TERF2IP: variants seen among roughly 807,000 people sequenced by gnomAD.
TERF2IP encodes TERF2 interacting protein, also known as telomeric repeat-binding factor 2-interacting protein 1.
In TERF2IP, 35 loss-of-function variants were observed where a neutral mutation model predicts 33.3. That is an observed-to-expected ratio of 1.05 (90% CI 0.80 to 1.39). The LOEUF (loss-of-function observed/expected upper bound fraction) is 1.39, where lower values mean the gene tolerates loss of function less well. TERF2IP is among the 40% of genes most tolerant of loss of function. The pLI, the probability that TERF2IP is intolerant of heterozygous loss-of-function variation, is 0.00. For synonymous variants in TERF2IP, 253 were observed against 223.2 expected (o/e 1.13, Z -1.19); for missense variants, 583 against 524.8 (o/e 1.11, Z -1.08).
Position 75,647,918 on chromosome 16 carries a change from C to A in TERF2IP, c.36C>A (p.Asn12Lys), listed in dbSNP as rs1437305008. ...AEAMDLGKDPNGPTHSSTLFV... is the reference protein window; with the variant it reads ...AEAMDLGKDPKGPTHSSTLFV... Reference sequence around the variant, plus strand: ...CGATGGATTTGGGCAAAGACCCCAACGGGCCCACCCATTCCTCGACTCTGT... The same window carrying A: ...CGATGGATTTGGGCAAAGACCCCAAAGGGCCCACCCATTCCTCGACTCTGT... The change falls in exon 1 of 3, where the codon AAC becomes AAA. Residue 12 changes from asparagine (N) to lysine (K), a missense_variant. Physicochemically the swap from Asn to Lys is moderately conservative, Grantham distance 94. Coordinates refer to ENST00000300086, the MANE Select transcript of TERF2IP (RefSeq NM_018975.4). 1.6e-5 allele frequency: 25 copies of A among 1,609,592 alleles called. No individual in the cohort carries two copies. Among genetic ancestry groups the A allele is most frequent in the East Asian group, 2.2e-5 (1 of 44,728 alleles).
rs770851399 is a variant in TERF2IP at position 75,654,390 on chromosome 16, A to G, written c.788A>G (p.Glu263Gly). Residue 263 changes from glutamate (E) to glycine (G), a missense_variant, in exon 2 of 3, where the codon GAG becomes GGG. Glu to Gly is a moderately conservative substitution (Grantham distance 98, BLOSUM62 -2). Transcript: ENST00000300086. ...MLVEATREFEEVVVDESPPDF... is the reference protein window; with the variant it reads ...MLVEATREFEGVVVDESPPDF... ...GTGGAAGCCACCCGGGAGTTTGAGG[A>G]GGTTGTGGTATGTTAACTAGATTTA... 2 of 1,613,066 alleles carry G rather than the reference A, an allele frequency of 1.2e-6. No homozygotes were observed. Among genetic ancestry groups the G allele is most frequent in the East Asian group, 4.5e-5 (2 of 44,834 alleles).
Position 75,656,537 on chromosome 16 carries a change from G to A in TERF2IP, c.1126G>A (p.Asp376Asn). 6.2e-7 allele frequency: 1 copy of A among 1,614,108 alleles called. No individual in the cohort carries two copies. Among genetic ancestry groups the A allele is most frequent in the Non-Finnish European group, 8.5e-7 (1 of 1,180,020 alleles). The change falls in exon 3 of 3, where the codon GAT becomes AAT. Residue 376 changes from aspartate (D) to asparagine (N), a missense_variant. Asp to Asn is a conservative substitution (Grantham distance 23). Transcript: ENST00000300086. ...CATAGATTTGCAAAAAGATGATGAG[G>A]ATACCAGAGAGGCATTGGTCAAAAA... ...DDIDLQKDDE[D>N]TREALVKKFG...
At position 75,656,654 on chromosome 16, in the gene TERF2IP, G is replaced by A. The variant is rs2082389574; in HGVS notation, c.*43G>A. 1 of 1,531,550 alleles carries A rather than the reference G, an allele frequency of 6.5e-7. No individual in the cohort carries two copies. The allele number at this position is 1,531,550 out of a possible 1,614,324, so 94.9% of individuals were successfully genotyped here. On this transcript the variant is annotated 3_prime_UTR_variant, in exon 3 of 3. Coordinates refer to ENST00000300086, the MANE Select transcript of TERF2IP (RefSeq NM_018975.4). ...AAAGAAAAAAGTCATGGTAGGTGAGGTGGTTAAAAAAAATTGTGACCAATG... is the reference window on the plus strand; with the variant it reads ...AAAGAAAAAAGTCATGGTAGGTGAGATGGTTAAAAAAAATTGTGACCAATG...
In TERF2IP at chr16:75,648,047, A is replaced by T. The variant is rs2082314111; in HGVS notation, c.165A>T (p.Arg55=). Residue 55 remains arginine (R), a synonymous_variant, in exon 1 of 3, where the codon CGA becomes CGT. Coordinates refer to ENST00000300086, the MANE Select transcript of TERF2IP (RefSeq NM_018975.4). ...LILHGGGTVC[R]VQEPGAVLLA... ...TGCACGGCGGCGGCACCGTGTGCCG[A>T]GTGCAGGAGCCCGGGGCCGTGCTGC... The T allele has an allele frequency of 6.2e-7, 1 of 1,606,270 alleles. No individual in the cohort carries two copies. The highest frequency in any genetic ancestry group is 8.5e-7 in the Non-Finnish European group (1 of 1,176,616).
In TERF2IP at chr16:75,648,218, A is replaced by G. The variant is rs1350972141; in HGVS notation, c.336A>G (p.Glu112=). The G allele has an allele frequency of 6.5e-7, 1 of 1,546,008 alleles. No homozygotes were observed. Among genetic ancestry groups the G allele is most frequent in the Admixed American group, 2.0e-5 (1 of 50,354 alleles). The stretch of plus-strand genomic sequence containing the variant: ...CCTCGGCGGCGGACACCGGCTCGGA[A>G]GCAAAGCCCGGGGCCCTGGCCGAGG... ...GPASAADTGS[E]AKPGALAEGA... is the part of the protein sequence containing the mutation. Residue 112 remains glutamate (E), a synonymous_variant, in exon 1 of 3, where the codon GAA becomes GAG. Coordinates refer to ENST00000300086, the MANE Select transcript of TERF2IP (RefSeq NM_018975.4).
rs1245660405 is a variant in TERF2IP, at chr16:75,656,455, C to T, written c.1044C>T (p.Ala348=). Residue 348 remains alanine (A), a synonymous_variant, in exon 3 of 3, where the codon GCC becomes GCT. Transcript: ENST00000300086. ...GTGGTGAGCTGGAGGCTACTTCCGC[C>T]TTCTTAGCGTCTGGTCAGAGAGCTG... ...KNSGELEATS[A]FLASGQRADG... The T allele has an allele frequency of 4.3e-6, 7 of 1,614,078 alleles. No homozygotes were observed. The highest frequency in any genetic ancestry group is 1.6e-4 in the Middle Eastern group (1 of 6,084).
chr16:75,651,001 A>C (rs974800960), intron 1 of TERF2IP, among the ~76,000 whole-genome samples: 2 of 152,226 alleles, frequency 1.3e-5, no homozygotes, highest in Non-Finnish European at 2.9e-5. Context: ...AGAAGATATG[A>C]ATGAATATAT....
At chr16:75,653,602 A>G (rs966698265) in intron 1 of TERF2IP, among the ~76,000 whole-genome samples, 3 of 152,140 alleles carry the variant, frequency 2.0e-5, no homozygotes, top group Non-Finnish European at 4.4e-5. Context: ...CTTTTTGTAG[A>G]TGGTATATTG....
At chr16:75,651,445 T>C (rs1252389268) in intron 1 of TERF2IP, among the ~76,000 whole-genome samples, 1 of 152,128 alleles carries the variant, frequency 6.6e-6, no homozygotes, top group Non-Finnish European at 1.5e-5. Context: ...TCCTAGCACT[T>C]TGGGAGGCCA....
chr16:75,657,356 A>G lies in TERF2IP; in HGVS notation c.*745A>G, dbSNP rs1416300730. On this transcript the variant is annotated 3_prime_UTR_variant, in exon 3 of 3. Coordinates refer to ENST00000300086, the MANE Select transcript of TERF2IP (RefSeq NM_018975.4). ...TTGTTTGTGCTAAGCATTGTGTTAG[A>G]TTTAAAAAATTAGTGGATTGACTCC... 3.3e-5 allele frequency: 5 copies of G among 152,204 alleles called. No individual in the cohort carries two copies. The highest frequency in any genetic ancestry group is 9.6e-5 in the African/African-American group (4 of 41,458). 9.4% of individuals were successfully genotyped at this position (152,204 alleles called of 1,614,324 possible).
At chr16:75,655,375 A>G (rs773879542) in intron 2 of TERF2IP, among the ~76,000 whole-genome samples, 35 of 152,254 alleles carry the variant, frequency 2.3e-4, no homozygotes, top group Non-Finnish European at 2.8e-4. Context: ...TTATATGTAT[A>G]TATTTTTCCA....
chr16:75,652,542 T>C (rs1033346883), intron 1 of TERF2IP, among the ~76,000 whole-genome samples: 1 of 152,210 alleles, frequency 6.6e-6, no homozygotes, highest in African/African-American at 2.4e-5. Context: ...TGGACTGTTT[T>C]GAAGCAAATG....
At position 75,648,562 on chromosome 16, in the gene TERF2IP, C is replaced by T; in HGVS notation, c.670+10C>T. ...GCCGCGGATAGCGGGGGTGAGGAGG[C>T]TGAGCGCGGGGCCTCGCGGATATCT... On this transcript the variant is annotated intron_variant, in intron 1 of 2. Coordinates refer to ENST00000300086, the MANE Select transcript of TERF2IP (RefSeq NM_018975.4). 1.3e-6 allele frequency: 2 copies of T among 1,533,424 alleles called. No individual in the cohort carries two copies. Among genetic ancestry groups the T allele is most frequent in the Non-Finnish European group, 8.8e-7 (1 of 1,135,754 alleles). 95.0% of individuals were successfully genotyped at this position (1,533,424 alleles called of 1,614,324 possible). A position where few individuals can be genotyped will look rare whatever the true frequency, so the allele number is the denominator to read the frequency against.
Position 75,656,313 on chromosome 16 carries a change from A to G in TERF2IP, c.902A>G (p.Glu301Gly). The change falls in exon 3 of 3, where the codon GAA (glutamate) becomes GGA (glycine). Residue 301 changes from glutamate (E) to glycine (G), a missense_variant. Physicochemically the swap from Glu to Gly is moderately conservative, Grantham distance 98. Coordinates refer to ENST00000300086, the MANE Select transcript of TERF2IP (RefSeq NM_018975.4). ...SETQPDEEEEEEEEKVSQPEV... is the reference protein window; with the variant it reads ...SETQPDEEEEGEEEKVSQPEV... Reference sequence around the variant, plus strand: ...ACACAGCCTGATGAGGAGGAAGAAGAAGAAGAAGAAAAAGTTTCTCAACCA... The same window carrying G: ...ACACAGCCTGATGAGGAGGAAGAAGGAGAAGAAGAAAAAGTTTCTCAACCA... 1 of 1,614,228 alleles carries G rather than the reference A, an allele frequency of 6.2e-7. No individual in the cohort carries two copies. Among genetic ancestry groups the G allele is most frequent in the Non-Finnish European group, 8.5e-7 (1 of 1,180,040 alleles).
intron 1 of TERF2IP, among the ~76,000 whole-genome samples, chr16:75,651,793 G>T (rs1252195174): frequency 1.3e-5 from 2 of 152,096 alleles, no homozygotes; most frequent in Admixed American, 1.3e-4. Flanking sequence ...AAATATGTGT[G>T]TTGGAATTGT....
chr16:75,654,243 G>A (rs901237791), intron 1 of TERF2IP, 30 bp from the exon 2 acceptor site: 2 of 1,568,098 alleles, frequency 1.3e-6, no homozygotes, highest in African/African-American at 2.7e-5. Context: ...AGAGGCTATT[G>A]CTAATCTGTG....
Position 75,656,649 on chromosome 16 carries a change from G to A in TERF2IP, c.*38G>A. 1.3e-6 allele frequency: 2 copies of A among 1,539,618 alleles called. No individual in the cohort carries two copies. Among genetic ancestry groups the A allele is most frequent in the Non-Finnish European group, 1.7e-6 (2 of 1,146,362 alleles). On this transcript the variant is annotated 3_prime_UTR_variant, in exon 3 of 3. Transcript: ENST00000300086. ...TGAGAAAAGAAAAAAGTCATGGTAG[G>A]TGAGGTGGTTAAAAAAAATTGTGAC...
At position 75,648,405 on chromosome 16, in the gene TERF2IP, C is replaced by A. The variant is rs1320445521; in HGVS notation, c.523C>A (p.His175Asn). 1.2e-6 allele frequency: 2 copies of A among 1,607,512 alleles called. No homozygotes were observed. ...GATGGAGAAGAGCTCGCTCACGCAG[C>A]ACTCGTGGCAGTCCCTGAAGGACCG... ...KAMEKSSLTQ[H>N]SWQSLKDRYL... The change falls in exon 1 of 3, where the codon CAC (histidine) becomes AAC (asparagine). Residue 175 changes from histidine to asparagine, a missense_variant. Coordinates refer to ENST00000300086, the MANE Select transcript of TERF2IP (RefSeq NM_018975.4).
chr16:75,654,146 A>G, intron 1 of TERF2IP, 127 bp from the exon 2 acceptor site: 2 of 724,612 alleles, frequency 2.8e-6, no homozygotes, highest in Non-Finnish European at 2.0e-6. Flanking sequence ...GTCTTCTGAT[A>G]GTAAAAAAAA....
Sources: gnomAD v4.1 joint callset for allele counts (sites outside exome capture counted in the v4.1 genomes callset) on GRCh38, gnomAD v4.1.1 for gene constraint, MANE v1.5 for transcripts, NCBI Gene and HGNC (gene_info 2026-07-23, HGNC 2026-07-21) for gene names.